SGCD: variants seen among roughly 807,000 people sequenced by gnomAD.
SGCD encodes sarcoglycan delta.
Under a neutral mutation model 36.6 loss-of-function variants are expected in SGCD, and 18 were observed. The observed-to-expected ratio is 0.49, with a 90% confidence interval of 0.34 to 0.73. The LOEUF is 0.73. Ranked by LOEUF, SGCD falls within the 30% of genes least tolerant of loss-of-function variation. The probability of loss-of-function intolerance (pLI) is 0.01; values close to 1 mark genes in which losing one functional copy is unlikely to be tolerated. For missense variants in SGCD, 387 were observed against 346.7 expected, an observed-to-expected ratio of 1.12 and a Z score of -0.92; for synonymous variants, 133 against 130.6, an observed-to-expected ratio of 1.02 and a Z score of -0.12.
chr5:156,016,472 T>G (rs1758981495), intron 1 of SGCD, among the ~76,000 whole-genome samples: 1 of 152,178 alleles, frequency 6.6e-6, no homozygotes, highest in Non-Finnish European at 1.5e-5. Context: ...CAAAAAAGTA[T>G]TGAAAGGTTG....
intron 3 of SGCD, among the ~76,000 whole-genome samples, chr5:156,417,800 C>A (rs1407201771): frequency 2.0e-5 from 3 of 151,324 alleles, no homozygotes; most frequent in Non-Finnish European, 4.4e-5. Flanking sequence ...GGGGGAGGAC[C>A]CAATTCAGTT....
At chr5:156,146,686 C>A (rs1762716211) in intron 3 of SGCD, among the ~76,000 whole-genome samples, 1 of 152,010 alleles carries the variant, frequency 6.6e-6, no homozygotes, top group Admixed American at 6.5e-5. Context: ...AGTGAATAGA[C>A]AATATCCCAA....
At chr5:155,959,219 A>G (rs1372994241) in intron 1 of SGCD, among the ~76,000 whole-genome samples, 1 of 152,070 alleles carries the variant, frequency 6.6e-6, no homozygotes, top group Non-Finnish European at 1.5e-5. Flanking sequence ...GTCCACACTC[A>G]CCTGCAGTTT....
intron 1 of SGCD, among the ~76,000 whole-genome samples, chr5:156,058,261 G>A (rs991965131): frequency 1.4e-5 from 2 of 146,344 alleles, no homozygotes; most frequent in Non-Finnish European, 3.1e-5. Flanking sequence ...GATTAAATTA[G>A]TAACATTCAC....
intron 1 of SGCD, among the ~76,000 whole-genome samples, chr5:155,872,417 T>C (rs1755674500): frequency 6.6e-6 from 1 of 151,898 alleles, no homozygotes; most frequent in African/African-American, 2.4e-5. Flanking sequence ...CCTATTGAAA[T>C]TTTTGAAATC....
the SGCD span, among the ~76,000 whole-genome samples, chr5:155,750,008 A>G: frequency 6.6e-6 from 1 of 152,196 alleles, no homozygotes. Context: ...TTTATGAATC[A>G]TTCTTGTTGT....
intron 7 of SGCD, among the ~76,000 whole-genome samples, chr5:156,753,002 T>A (rs1204238132): frequency 6.6e-6 from 1 of 152,106 alleles, no homozygotes; most frequent in East Asian, 1.9e-4. Context: ...GCACCTGAGT[T>A]TATGACCCTT....
At chr5:155,743,766 TG>T in the SGCD span, among the ~76,000 whole-genome samples, 1 of 152,094 alleles carries the variant, frequency 6.6e-6, no homozygotes, top group Admixed American at 6.5e-5. Context: ...GAAGCCAAAG[TG>T]GGAAGTGCCG....
chr5:155,897,104 A>T (rs971723615), intron 1 of SGCD, among the ~76,000 whole-genome samples: 6 of 152,166 alleles, frequency 3.9e-5, no homozygotes, highest in African/African-American at 1.4e-4. Flanking sequence ...ATTTCATCTT[A>T]GTGCAAAAAT....
At chr5:155,888,637 G>A (rs76989382) in intron 1 of SGCD, among the ~76,000 whole-genome samples, 1 of 151,852 alleles carries the variant, frequency 6.6e-6, no homozygotes, top group Admixed American at 6.6e-5. Context: ...GGAGGGGGAG[G>A]ACTTAGCAAG....
intron 1 of SGCD, among the ~76,000 whole-genome samples, chr5:156,046,892 T>C (rs960402535): frequency 4.6e-5 from 7 of 152,152 alleles, no homozygotes; most frequent in Non-Finnish European, 8.8e-5. Flanking sequence ...GACTGAAAGC[T>C]TGGGCTCTTG....
intron 3 of SGCD, among the ~76,000 whole-genome samples, chr5:156,251,338 C>T (rs1765572189): frequency 6.6e-6 from 1 of 152,050 alleles, no homozygotes; most frequent in Non-Finnish European, 1.5e-5. Context: ...TACTGAAAAA[C>T]CCTCTGATCT....
the SGCD span, among the ~76,000 whole-genome samples, chr5:155,863,448 T>C: frequency 4.6e-5 from 7 of 152,074 alleles, no homozygotes; most frequent in Middle Eastern, 3.4e-3. Context: ...GAGAAAACAA[T>C]GTATTATTTC....
At position 156,406,018 on chromosome 5, in the gene SGCD, T is replaced by TAAAAAAAAAAAAAAAAAAAAAAAAAAAA. The variant is rs10529406; in HGVS notation, c.192+61357_192+61358insAAAAAAAAAAAAAAAAAAAAAAAAAAAA. On this transcript the variant is annotated intron_variant, in intron 3 of 8. Transcript: ENST00000337851. ...TGCTGTATTTGGCCCTATCTTTGCT[T>TAAAAAAAAAAAAAAAAAAAAAAAAAAAA]AAAAAAAAAAAAAAAAGGCCTCTGG... Among the ~76,000 whole-genome samples the TAAAAAAAAAAAAAAAAAAAAAAAAAAAA allele has an allele frequency of 1.5e-4, 16 of 103,958 alleles. 1 individual carries two copies. The highest frequency in any genetic ancestry group is 3.6e-4 in the East Asian group (1 of 2,812). The allele number at this position is 103,958 out of a possible 152,430, so 68.2% of individuals were successfully genotyped here.
intron 3 of SGCD, among the ~76,000 whole-genome samples, chr5:156,427,483 C>T (rs1479242554): frequency 1.3e-5 from 2 of 151,964 alleles, no homozygotes; most frequent in African/African-American, 4.8e-5. Flanking sequence ...TATTGGTGAA[C>T]AGCGACAGTT....
chr5:156,620,756 G>A (rs1051953087), intron 6 of SGCD, among the ~76,000 whole-genome samples: 14 of 152,128 alleles, frequency 9.2e-5, no homozygotes, highest in Non-Finnish European at 8.8e-5. Flanking sequence ...TTCTTTATGG[G>A]GAAGAGACTG....
At chr5:155,797,216 A>G in the SGCD span, among the ~76,000 whole-genome samples, 1 of 152,200 alleles carries the variant, frequency 6.6e-6, no homozygotes, top group Non-Finnish European at 1.5e-5. Flanking sequence ...CCCATACAGA[A>G]AGTTCCAGGC....
chr5:156,677,566 A>C (rs1013232695), intron 7 of SGCD, among the ~76,000 whole-genome samples: 10 of 152,136 alleles, frequency 6.6e-5, no homozygotes, highest in Admixed American at 5.9e-4. Context: ...GAGGGATAGC[A>C]TTAGGAGGAC....
Position 156,371,959 on chromosome 5 carries a change from C to T in SGCD, c.192+27282C>T, listed in dbSNP as rs77681961. ...CATGTCAGAGCTATTGTACATTGAC[C>T]GATATTCCATGTCTCCATCAGGGTT... On this transcript the variant is annotated intron_variant, in intron 3 of 8. Transcript: ENST00000337851. Among the ~76,000 whole-genome samples, 376 of 152,210 alleles carry T rather than the reference C, an allele frequency of 2.5e-3. 2 individuals carry two copies. The highest frequency in any genetic ancestry group is 8.3e-3 in the African/African-American group (345 of 41,534).
Sources: gnomAD v4.1 joint callset for allele counts (sites outside exome capture counted in the v4.1 genomes callset) on GRCh38, gnomAD v4.1.1 for gene constraint, MANE v1.5 for transcripts, NCBI Gene and HGNC (gene_info 2026-07-23, HGNC 2026-07-21) for gene names.